The following TEP1 variants were observed in gnomAD, a reference collection of about 807,000 sequenced individuals.
TEP1 encodes the protein telomerase associated protein 1.
Under a neutral mutation model 306.3 loss-of-function variants are expected in TEP1, and 241 were observed. That is an observed-to-expected ratio of 0.79 (90% CI 0.71 to 0.88). TEP1 has a LOEUF of 0.88. TEP1 is among the 40% of genes least tolerant of loss of function. The pLI, the probability that TEP1 is intolerant of heterozygous loss-of-function variation, is 0.00. For synonymous variants in TEP1, 1,289 were observed against 1,305.5 expected, an observed-to-expected ratio of 0.99 and a Z score of 0.27; for missense variants, 3,051 against 3,276.1, an observed-to-expected ratio of 0.93 and a Z score of 1.68.
At position 20,375,765 on chromosome 14, in the gene TEP1, T is replaced by C. The variant is rs1267466252; in HGVS notation, c.6353A>G (p.Asp2118Gly). Residue 2118 changes from aspartate (D) to glycine (G), a missense_variant, in exon 43 of 55, where the codon GAT becomes GGT. Coordinates refer to ENST00000262715, the MANE Select transcript of TEP1 (RefSeq NM_007110.5). ...DWVTGCAWTK[D>G]NLLISCSSDG... ...TGGCCCTTTACTCACCAGTAGGTTA[T>C]CTTTGGTCCAGGCACAGCCAGTGAC... is the stretch of plus-strand genomic sequence containing the variant. The C allele has an allele frequency of 1.2e-6, 2 of 1,612,904 alleles. No homozygotes were observed. Among genetic ancestry groups the C allele is most frequent in the Non-Finnish European group, 1.7e-6 (2 of 1,179,386 alleles).
At chr14:20,384,770 C>T (rs1051458035) in intron 21 of TEP1, 57 bp from the exon 22 acceptor site, 4 of 1,541,842 alleles carry the variant, frequency 2.6e-6, no homozygotes, top group Middle Eastern at 3.4e-4. Context: ...CAGCCTCCCT[C>T]CACCAACCAC....
At chr14:20,382,743 G>A (rs879050443) in intron 27 of TEP1, 28 bp from the exon 28 acceptor site, 1 of 1,610,620 alleles carries the variant, frequency 6.2e-7, no homozygotes, top group Non-Finnish European at 8.5e-7. Flanking sequence ...TCAGGGTGGG[G>A]TCCAGGAGGG....
At chr14:20,400,298 G>A (rs1477682380) in intron 9 of TEP1, among the ~76,000 whole-genome samples, 3 of 147,344 alleles carry the variant, frequency 2.0e-5, no homozygotes, top group Admixed American at 6.8e-5. Context: ...GTGTGGGTGC[G>A]TGTGTGTGTG....
At chr14:20,395,367 A>C in intron 12 of TEP1, 83 bp downstream of exon 12, 4 of 1,383,676 alleles carry the variant, frequency 2.9e-6, no homozygotes, top group Non-Finnish European at 3.9e-6. Flanking sequence ...ACAGAAAAAC[A>C]GTTGGGATTC....
At chr14:20,378,616 G>A in intron 37 of TEP1, 81 bp from the exon 38 acceptor site, 2 of 1,598,818 alleles carry the variant, frequency 1.3e-6, no homozygotes, top group South Asian at 1.1e-5. Flanking sequence ...GAGCAACCTT[G>A]TCCAGTTACC....
intron 28 of TEP1, 94 bp from the exon 29 acceptor site, chr14:20,382,450 G>A (rs901275980): frequency 6.5e-7 from 1 of 1,547,578 alleles, no homozygotes; most frequent in African/African-American, 1.4e-5. Context: ...GGACAGTGTG[G>A]AGGAATGAAA....
At chr14:20,410,191 A>G (rs1005467522) in intron 1 of TEP1, among the ~76,000 whole-genome samples, 5 of 152,096 alleles carry the variant, frequency 3.3e-5, no homozygotes, top group Non-Finnish European at 7.4e-5. Context: ...ACTAAATTCT[A>G]TTGATTCTAC....
At chr14:20,372,596 A>C in intron 49 of TEP1, 137 bp downstream of exon 49, 2 of 1,352,790 alleles carry the variant, frequency 1.5e-6, no homozygotes, top group Non-Finnish European at 2.1e-6. Flanking sequence ...CCATGGACAG[A>C]AGCAGAAAAT....
chr14:20,400,952 A>G (rs1282488930), intron 9 of TEP1, 32 bp downstream of exon 9: 2 of 1,604,816 alleles, frequency 1.2e-6, no homozygotes, highest in Admixed American at 1.7e-5. Context: ...GGGGAAGAGA[A>G]GGAGGGAATG....
chr14:20,380,184 C>G, intron 34 of TEP1, 51 bp downstream of exon 34: 4 of 1,591,922 alleles, frequency 2.5e-6, no homozygotes, highest in Non-Finnish European at 3.4e-6. Context: ...TCAGAAAGAG[C>G]TGCAGCTTGC....
In TEP1 at chr14:20,384,980, A is replaced by C; in HGVS notation, c.3107+5T>G. 1.2e-6 allele frequency: 2 copies of C among 1,614,232 alleles called. No homozygotes were observed. Among genetic ancestry groups the C allele is most frequent in the South Asian group, 2.2e-5 (2 of 91,084 alleles). On this transcript the variant is annotated splice_donor_5th_base_variant and intron_variant, in intron 21 of 54. Transcript: ENST00000262715. The stretch of plus-strand genomic sequence containing the variant: ...GAGCCCCAGCCTGCAGGCAACAGAC[A>C]GTACCTGAGGAAGCTGGAATCCCGG...
At position 20,369,351 on chromosome 14, in the gene TEP1, C is replaced by G. The variant is rs190503710; in HGVS notation, c.7649G>C (p.Arg2550Pro). 2 of 1,614,164 alleles carry G rather than the reference C, an allele frequency of 1.2e-6. No individual in the cohort carries two copies. Among genetic ancestry groups the G allele is most frequent in the South Asian group, 2.2e-5 (2 of 91,078 alleles). Residue 2550 changes from arginine to proline, a missense_variant, in exon 53 of 55, where the codon CGT becomes CCT. Arg to Pro is a moderately radical substitution (Grantham distance 103, BLOSUM62 -2). Transcript: ENST00000262715. ...CCCTTCCTTCAAACTCACCTTTCTA[C>G]GCTGCCGTGTCTTTAGATGTGGTGT... The part of the protein sequence containing the change: ...EPTPHLKTRQ[R>P]RKIHSGSVTA...
At position 20,405,309 on chromosome 14, in the gene TEP1, C is replaced by T. The variant is rs2095341026; in HGVS notation, c.870+142G>A. On this transcript the variant is annotated intron_variant, in intron 4 of 54. Transcript: ENST00000262715. ...TCTTCACTGAACCACAGGGACTAGG[C>T]CGCAGACTCACCCAGAAATCCTTCC... The T allele has an allele frequency of 7.0e-6, 8 of 1,142,210 alleles. No individual in the cohort carries two copies. The Admixed American group carries it at 8.4e-5, about 12-fold the overall frequency. 70.8% of individuals were successfully genotyped at this position (1,142,210 alleles called of 1,614,324 possible).
At chr14:20,386,403 C>G (rs919360837) in intron 19 of TEP1, 44 bp downstream of exon 19, 1 of 1,576,444 alleles carries the variant, frequency 6.3e-7, no homozygotes, top group Non-Finnish European at 8.6e-7. Context: ...ACCACTCAAG[C>G]CCCTCATCCC....
In TEP1 at chr14:20,372,863, G is replaced by A. The variant is rs774176858; in HGVS notation, c.6952-6C>T. On this transcript the variant is annotated splice_region_variant and splice_polypyrimidine_tract_variant and intron_variant, in intron 48 of 54. Coordinates refer to ENST00000262715, the MANE Select transcript of TEP1 (RefSeq NM_007110.5). ...GCACCAATGTGGCCTGGAGCCTGGT[G>A]TACACAACAAGTTCAATTCAGTGCT... 1.2e-6 allele frequency: 2 copies of A among 1,614,198 alleles called. No homozygotes were observed. Among genetic ancestry groups the A allele is most frequent in the South Asian group, 2.2e-5 (2 of 91,068 alleles).
intron 34 of TEP1, 58 bp downstream of exon 34, chr14:20,380,177 G>C: frequency 6.3e-7 from 1 of 1,588,280 alleles, no homozygotes; most frequent in South Asian, 1.2e-5. Flanking sequence ...CTCAGTTTCA[G>C]AAAGAGCTGC....
intron 2 of TEP1, among the ~76,000 whole-genome samples, 199 bp downstream of exon 2, chr14:20,407,674 A>G (rs1450426670): frequency 6.6e-6 from 1 of 152,202 alleles, no homozygotes; most frequent in African/African-American, 2.4e-5. Flanking sequence ...ATTGCACAAT[A>G]TCTCCAATGT....
chr14:20,388,312 G>A (rs1016649891), intron 17 of TEP1, among the ~76,000 whole-genome samples: 1 of 152,192 alleles, frequency 6.6e-6, no homozygotes, highest in Non-Finnish European at 1.5e-5. Flanking sequence ...CAAACTTGCT[G>A]TTGGGCCGGG....
chr14:20,381,383 CAT>C lies in TEP1; in HGVS notation c.4575_4576del (p.Cys1526Ter), dbSNP rs766032612. ...GAAGGTGCCTGAGGCATCAGCGTCA[CAT>C]GTCTTCCAGAGCTGAGCTGCATGAA... On this transcript the variant is annotated frameshift_variant, in exon 32 of 55. Transcript: ENST00000262715. LOFTEE classifies it high-confidence loss of function. The surrounding 1 kb of genome is among the most constrained non-coding windows in gnomAD (Gnocchi z 4.0). The C allele has an allele frequency of 5.0e-6, 8 of 1,614,178 alleles. No individual in the cohort carries two copies. Among genetic ancestry groups the C allele is most frequent in the Non-Finnish European group, 5.9e-6 (7 of 1,180,044 alleles).
Sources: gnomAD v4.1 joint callset for allele counts (sites outside exome capture counted in the v4.1 genomes callset) on GRCh38, gnomAD v4.1.1 for gene constraint, Gnocchi (gnomAD v3.1) non-coding constraint, MANE v1.5 for transcripts, NCBI Gene and HGNC (gene_info 2026-07-23, HGNC 2026-07-21) for gene names.